ZNF827: variants seen among roughly 807,000 people sequenced by gnomAD.
ZNF827 encodes the protein zinc finger protein 827.
In ZNF827, 13 loss-of-function variants were observed where a neutral mutation model predicts 102.4. The observed-to-expected ratio is 0.13, with a 90% CI of 0.08 to 0.20. ZNF827 has a LOEUF of 0.20. Among genes scored for constraint, ZNF827 ranks in the 10% least tolerant of loss-of-function variants. The probability of loss-of-function intolerance (pLI) is 1.00; values close to 1 mark genes in which losing one functional copy is unlikely to be tolerated. For synonymous variants in ZNF827, 523 were observed against 536.2 expected (o/e 0.98, Z 0.34); for missense variants, 1,103 against 1,344.4 (o/e 0.82, Z 2.81).
intron 5 of ZNF827, among the ~76,000 whole-genome samples, chr4:145,860,170 G>A (rs894077798): frequency 6.6e-6 from 1 of 152,164 alleles, no homozygotes; most frequent in African/African-American, 2.4e-5. Context: ...ATGTGCAGAG[G>A]CAAGAGATCC....
At chr4:145,799,337 T>C (rs1385540484) in intron 8 of ZNF827, among the ~76,000 whole-genome samples, 4 of 152,200 alleles carry the variant, frequency 2.6e-5, no homozygotes, top group Non-Finnish European at 5.9e-5. Context: ...TCTGAGTGTG[T>C]AACATATATA....
intron 7 of ZNF827, among the ~76,000 whole-genome samples, chr4:145,838,083 A>G (rs1157334907): frequency 1.3e-5 from 2 of 152,300 alleles, no homozygotes; most frequent in African/African-American, 2.4e-5. Flanking sequence ...AAGCCAAACC[A>G]TCACATCCCC....
rs747806234 is a variant in ZNF827, at chr4:145,902,804, G to C, written c.455C>G (p.Ser152Trp). The C allele has an allele frequency of 8.7e-6, 14 of 1,613,992 alleles. No homozygotes were observed. The highest frequency in any genetic ancestry group is 1.1e-5 in the Non-Finnish European group (13 of 1,180,030). Reference protein sequence around the residue: ...GRVESPVNVGSNLSFSPPSHH... With the variant: ...GRVESPVNVGWNLSFSPPSHH... Reference sequence around the variant, plus strand: ...GGAAGGCGGGGAAAAGGAGAGGTTCGAGCCAACGTTTACGGGGGACTCCAC... The same window carrying C: ...GGAAGGCGGGGAAAAGGAGAGGTTCCAGCCAACGTTTACGGGGGACTCCAC... The change falls in exon 2 of 15, where the codon TCG (serine) becomes TGG (tryptophan). Residue 152 changes from serine (S) to tryptophan (W), a missense_variant. Physicochemically the swap from Ser to Trp is radical, Grantham distance 177 (BLOSUM62 -3). Transcript: ENST00000508784. This position sits in a 1 kb window ranked among gnomAD's most constrained non-coding sequence, Gnocchi z 4.3.
intron 3 of ZNF827, among the ~76,000 whole-genome samples, chr4:145,892,031 A>T (rs1750646086): frequency 6.6e-6 from 1 of 152,210 alleles, no homozygotes; most frequent in Admixed American, 6.5e-5. Context: ...TTGGATATCG[A>T]AGGTTCTCTC....
chr4:145,772,780 T>C (rs890654639), intron 11 of ZNF827, among the ~76,000 whole-genome samples: 2 of 152,250 alleles, frequency 1.3e-5, no homozygotes, highest in East Asian at 1.9e-4. Flanking sequence ...TGCATTTCAC[T>C]CTTGGGTGAC....
intron 8 of ZNF827, among the ~76,000 whole-genome samples, chr4:145,819,063 T>A (rs1742880058): frequency 6.6e-6 from 1 of 152,044 alleles, no homozygotes; most frequent in South Asian, 2.1e-4. Flanking sequence ...CTGATGTTCA[T>A]CTTTTCTTGT....
chr4:145,882,489 T>C (rs1749753051), intron 4 of ZNF827, among the ~76,000 whole-genome samples: 1 of 152,176 alleles, frequency 6.6e-6, no homozygotes. Context: ...TTCACAATCA[T>C]GCACGTTAAG....
intron 11 of ZNF827, among the ~76,000 whole-genome samples, chr4:145,766,475 C>G (rs1735313018): frequency 6.6e-6 from 1 of 152,170 alleles, no homozygotes. Flanking sequence ...TATGACTGAT[C>G]AGTTTCCTGC....
intron 3 of ZNF827, among the ~76,000 whole-genome samples, chr4:145,890,206 G>A (rs1269668737): frequency 6.6e-6 from 1 of 152,124 alleles, no homozygotes; most frequent in Non-Finnish European, 1.5e-5. Flanking sequence ...AGAATATACC[G>A]TTTGATAAAA....
At chr4:145,864,794 A>C (rs1306831051) in intron 5 of ZNF827, among the ~76,000 whole-genome samples, 1 of 152,202 alleles carries the variant, frequency 6.6e-6, no homozygotes, top group Non-Finnish European at 1.5e-5. Flanking sequence ...TAGAATCATA[A>C]GGAACTAAGT....
At position 145,864,160 on chromosome 4, in the gene ZNF827, T is replaced by C. The variant is rs891560329; in HGVS notation, c.1981+6085A>G. Among the ~76,000 whole-genome samples the C allele has an allele frequency of 1.4e-4, 22 of 151,948 alleles. 1 individual carries two copies. Among genetic ancestry groups the C allele is most frequent in the Non-Finnish European group, 2.9e-5 (2 of 67,978 alleles). On this transcript the variant is annotated intron_variant, in intron 5 of 14. Transcript: ENST00000508784. Reference sequence around the variant, plus strand: ...CAGCCTGCACAACAGGGTGAAACTCTGTCTCTCTCATACACAACCTCCCAC... The same window carrying C: ...CAGCCTGCACAACAGGGTGAAACTCCGTCTCTCTCATACACAACCTCCCAC...
intron 5 of ZNF827, among the ~76,000 whole-genome samples, chr4:145,865,261 T>C (rs905393361): frequency 2.6e-5 from 4 of 152,228 alleles, no homozygotes; most frequent in African/African-American, 7.2e-5. Context: ...CCAGATACCA[T>C]TATTTCATAA....
At chr4:145,774,481 G>A (rs1459643513) in intron 11 of ZNF827, 25 bp downstream of exon 11, 2 of 1,599,602 alleles carry the variant, frequency 1.3e-6, no homozygotes. Context: ...GAAGGAGTGT[G>A]AGAAGGACAG....
intron 1 of ZNF827, among the ~76,000 whole-genome samples, chr4:145,930,777 T>C (rs1238884789): frequency 6.6e-6 from 1 of 152,206 alleles, no homozygotes; most frequent in Non-Finnish European, 1.5e-5. Flanking sequence ...CCTCAGATCG[T>C]GGGCGCGTAT....
chr4:145,889,854 G>A lies in ZNF827; in HGVS notation c.1266+2389C>T, dbSNP rs185430903. Among the ~76,000 whole-genome samples the A allele has an allele frequency of 3.1e-3, 467 of 152,158 alleles. 1 individual carries two copies. Among genetic ancestry groups the A allele is most frequent in the African/African-American group, 0.011 (450 of 41,546 alleles). ...TAGCCAGGCGTGGTGGCGGACGCCTGTAGTCCCAGCTACTCGGGAGACTGA... is the reference window on the plus strand; with the variant it reads ...TAGCCAGGCGTGGTGGCGGACGCCTATAGTCCCAGCTACTCGGGAGACTGA... On this transcript the variant is annotated intron_variant, in intron 3 of 14. Transcript: ENST00000508784.
intron 7 of ZNF827, among the ~76,000 whole-genome samples, chr4:145,825,062 G>A (rs748381138): frequency 1.1e-4 from 16 of 152,218 alleles, no homozygotes; most frequent in Admixed American, 3.3e-4. Flanking sequence ...GGGGAGAAGC[G>A]AAGGGGCAGA....
intron 7 of ZNF827, among the ~76,000 whole-genome samples, chr4:145,824,367 C>T (rs909943826): frequency 2.3e-4 from 35 of 152,320 alleles, no homozygotes; most frequent in African/African-American, 7.9e-4. Context: ...GAGTATCCAT[C>T]AGTGTCCAAC....
intron 5 of ZNF827, among the ~76,000 whole-genome samples, chr4:145,858,240 C>G (rs1747360237): frequency 6.6e-6 from 1 of 151,960 alleles, no homozygotes; most frequent in South Asian, 2.1e-4. Context: ...CTTTGGGAGG[C>G]TGAGGCAGGA....
chr4:145,914,830 T>C (rs1752558045), intron 1 of ZNF827, among the ~76,000 whole-genome samples: 2 of 152,206 alleles, frequency 1.3e-5, no homozygotes, highest in African/African-American at 4.8e-5. Flanking sequence ...GGGTTTTCAC[T>C]AAGAGGGCTT....
Sources: gnomAD v4.1 joint callset for allele counts (sites outside exome capture counted in the v4.1 genomes callset) on GRCh38, gnomAD v4.1.1 for gene constraint, Gnocchi (gnomAD v3.1) non-coding constraint, MANE v1.5 for transcripts, NCBI Gene and HGNC (gene_info 2026-07-23, HGNC 2026-07-21) for gene names.